Variants in NOTCH4 observed in about 807,000 individuals in gnomAD.
NOTCH4 encodes notch receptor 4, also known as neurogenic locus notch homolog protein 4.
NOTCH4 carries 138 observed loss-of-function variants against 189.0 expected under a neutral mutation model. That is an observed-to-expected ratio of 0.73 (90% CI 0.64 to 0.84). NOTCH4 has a LOEUF of 0.84. Ranked by LOEUF, NOTCH4 falls within the 40% of genes least tolerant of loss-of-function variation. NOTCH4 has a pLI of 0.00. For synonymous variants in NOTCH4, 942 were observed against 1,032.8 expected, an observed-to-expected ratio of 0.91 and a Z score of 1.69; for missense variants, 2,286 against 2,605.4, an observed-to-expected ratio of 0.88 and a Z score of 2.67.
chr6:32,195,735 G>T lies in NOTCH4; in HGVS notation c.5714C>A (p.Ala1905Glu). ...GCCGCGAGGGGTCGGGCCTCCTCCT[G>T]CTCCTACTCCCGAGAGGCTCCGGCA... ...SHCRSLSGVG[A>E]GGGPTPRGRR... Residue 1905 changes from alanine (A) to glutamate (E), a missense_variant, in exon 30 of 30, where the codon GCA becomes GAA. Physicochemically the swap from Ala to Glu is moderately radical, Grantham distance 107. Transcript: ENST00000375023. The surrounding 1 kb of genome is among the most constrained non-coding windows in gnomAD (Gnocchi z 5.4). The T allele has an allele frequency of 6.2e-7, 1 of 1,612,620 alleles. No individual in the cohort carries two copies. Among genetic ancestry groups the T allele is most frequent in the Non-Finnish European group, 8.5e-7 (1 of 1,179,902 alleles).
rs755932024 is a variant in NOTCH4, at chr6:32,199,202, T to C, written c.4316-57A>G. 8.6e-5 allele frequency: 113 copies of C among 1,321,208 alleles called. No individual in the cohort carries two copies. The highest frequency in any genetic ancestry group is 1.4e-4 in the Admixed American group (5 of 34,924). 81.8% of individuals were successfully genotyped at this position (1,321,208 alleles called of 1,614,324 possible). A position where few individuals can be genotyped will look rare whatever the true frequency, so the allele number is the denominator to read the frequency against. On this transcript the variant is annotated intron_variant, in intron 23 of 29. Coordinates refer to ENST00000375023, the MANE Select transcript of NOTCH4 (RefSeq NM_004557.4). This position sits in a 1 kb window ranked among gnomAD's most constrained non-coding sequence, Gnocchi z 4.9. ...CCACTCCTGGTGAGACTGATTACTA[T>C]TGGGAGACCTTTGGACAAGTTTAGT...
intron 14 of NOTCH4, 146 bp downstream of exon 14, chr6:32,213,542 T>G (rs1377030383): frequency 1.5e-5 from 16 of 1,041,622 alleles, no homozygotes; most frequent in Non-Finnish European, 2.1e-5. Context: ...AGCCACTGTG[T>G]GCCCAGCTAA....
Position 32,213,200 on chromosome 6 carries a change from G to A in NOTCH4, c.2373C>T (p.Cys791=). 1 of 1,614,072 alleles carries A rather than the reference G, an allele frequency of 6.2e-7. No individual in the cohort carries two copies. ...TCVNRPGTFS[C]LCAMGFQGPR... is the part of the protein sequence containing the mutation. ...GGCCCTGGAAGCCCATGGCACAGAGGCAGGAGAAGGTGCCAGGCCTGTTCA... is the reference window on the plus strand; with the variant it reads ...GGCCCTGGAAGCCCATGGCACAGAGACAGGAGAAGGTGCCAGGCCTGTTCA... Residue 791 remains cysteine, a synonymous_variant, in exon 15 of 30, where the codon TGC becomes TGT. Transcript: ENST00000375023.
chr6:32,206,778 C>G (rs1788700150), intron 18 of NOTCH4, among the ~76,000 whole-genome samples: 1 of 152,040 alleles, frequency 6.6e-6, no homozygotes, highest in Admixed American at 6.5e-5. Context: ...AGGTACCACA[C>G]TACCTAACTT....
At position 32,212,846 on chromosome 6, in the gene NOTCH4, C is replaced by A. The variant is rs9267835; in HGVS notation, c.2504G>T (p.Gly835Val). Reference protein sequence around the residue: ...PQGPRCLCPTGYTGGSCQTLM... With the variant: ...PQGPRCLCPTVYTGGSCQTLM... ...CACCTGGCAGCTGCCTCCGGTGTAG[C>A]CAGTGGGGCAGAGGCAGCGGGGACC... The change falls in exon 16 of 30, where the codon GGC (glycine) becomes GTC (valine). Residue 835 changes from glycine (G) to valine (V), a missense_variant. Physicochemically the swap from Gly to Val is moderately radical, Grantham distance 109. This residue lies in a region of NOTCH4 where 1,903 missense variants were observed against 2,261.9 expected (regional missense o/e 0.84). Coordinates refer to ENST00000375023, the MANE Select transcript of NOTCH4 (RefSeq NM_004557.4). The surrounding 1 kb of genome is among the most constrained non-coding windows in gnomAD (Gnocchi z 4.4). 0.013 allele frequency: 19,556 copies of A among 1,549,112 alleles called. 210 individuals carry two copies. Among genetic ancestry groups the A allele is most frequent in the African/African-American group, 0.033 (2,411 of 73,194 alleles).
At chr6:32,207,129 C>T (rs1788727037) in intron 18 of NOTCH4, among the ~76,000 whole-genome samples, 2 of 151,378 alleles carry the variant, frequency 1.3e-5, no homozygotes, top group Non-Finnish European at 2.9e-5. Context: ...GGGGGTTTCA[C>T]TATGTTGGTC....
At chr6:32,204,552 A>C (rs1788560205) in intron 18 of NOTCH4, among the ~76,000 whole-genome samples, 163 bp from the exon 19 acceptor site, 1 of 151,170 alleles carries the variant, frequency 6.6e-6, no homozygotes, top group African/African-American at 2.4e-5. Context: ...TTCTATCTCA[A>C]CTCCCCATGA....
Position 32,204,212 on chromosome 6 carries a change from A to G in NOTCH4, c.3043T>C (p.Cys1015Arg). 2 of 1,612,996 alleles carry G rather than the reference A, an allele frequency of 1.2e-6. No individual in the cohort carries two copies. Among genetic ancestry groups the G allele is most frequent in the Non-Finnish European group, 1.7e-6 (2 of 1,179,996 alleles). The change falls in exon 19 of 30, where the codon TGC becomes CGC. Residue 1015 changes from cysteine (C) to arginine (R), a missense_variant. Cys to Arg is a radical substitution (Grantham distance 180). Around this residue, in one of 2 missense-constraint regions of NOTCH4, gnomAD observed 1,903 missense variants for 2,261.9 expected, o/e 0.84. Coordinates refer to ENST00000375023, the MANE Select transcript of NOTCH4 (RefSeq NM_004557.4). ...GDVDECLDQP[C>R]HPTGTAACHS... ...CAGGCTGCAGTGCCTGTGGGGTGGC[A>G]GGGCTGGTCCAGACACTCGTCCACG... is the stretch of plus-strand genomic sequence containing the variant.
At chr6:32,216,641 G>A in intron 11 of NOTCH4, 1 of 512,444 alleles carries the variant, frequency 2.0e-6, no homozygotes, top group Non-Finnish European at 3.5e-6. Context: ...TCCGTATCTG[G>A]CATAGTAGGC....
At chr6:32,222,414 G>A (rs774273761) in intron 3 of NOTCH4, 97 bp downstream of exon 3, 31 of 1,113,450 alleles carry the variant, frequency 2.8e-5, no homozygotes, top group Non-Finnish European at 3.6e-5. Context: ...TCTTCAAAGG[G>A]CTTGCAGTTT....
rs150079294 is a variant in NOTCH4, at chr6:32,212,907, A to C, written c.2443T>G (p.Cys815Gly). ...KLRPSCADSP[C>G]RNRATCQDSP... The stretch of plus-strand genomic sequence containing the variant: ...TCCTGGCAGGTTGCCCTATTCCTAC[A>C]GGGGCTGAACAAGACAGAGACAGGG... Residue 815 changes from cysteine (C) to glycine (G), a missense_variant, in exon 16 of 30, where the codon TGT becomes GGT. Coordinates refer to ENST00000375023, the MANE Select transcript of NOTCH4 (RefSeq NM_004557.4). This position sits in a 1 kb window ranked among gnomAD's most constrained non-coding sequence, Gnocchi z 4.4. The C allele has an allele frequency of 4.4e-3, 6,822 of 1,563,840 alleles. 33 individuals carry two copies. Among genetic ancestry groups the C allele is most frequent in the Admixed American group, 9.9e-3 (509 of 51,664 alleles).
In NOTCH4 at chr6:32,221,034, G is replaced by A; in HGVS notation, c.743C>T (p.Thr248Ile). ...CPPRGCSNGG[T>I]CQLMPEKDST... ...GTCTTTCTCTGGCATCAGCTGGCAG[G>A]TGCCCCCATTCGAACAGCCCCTAGG... The change falls in exon 4 of 30, where the codon ACC (threonine) becomes ATC (isoleucine). Residue 248 changes from threonine to isoleucine, a missense_variant. Transcript: ENST00000375023. This position sits in a 1 kb window ranked among gnomAD's most constrained non-coding sequence, Gnocchi z 4.3. 1 of 1,610,248 alleles carries A rather than the reference G, an allele frequency of 6.2e-7. No individual in the cohort carries two copies. The highest frequency in any genetic ancestry group is 8.5e-7 in the Non-Finnish European group (1 of 1,177,508).
chr6:32,196,084 G>C lies in NOTCH4; in HGVS notation c.5365C>G (p.Leu1789Val). The C allele has an allele frequency of 1.9e-6, 3 of 1,592,952 alleles. No individual in the cohort carries two copies. The highest frequency in any genetic ancestry group is 2.5e-6 in the Non-Finnish European group (3 of 1,176,806). The stretch of plus-strand genomic sequence containing the variant: ...TCCCGCAGCTCTCGGGCTGCCCCCA[G>C]CCCCAGCAGTAGCTGGGCTACTTCC... ...AVEVAQLLLG[L>V]GAARELRDQA... The change falls in exon 30 of 30, where the codon CTG (leucine) becomes GTG (valine). Residue 1789 changes from leucine (L) to valine (V), a missense_variant. By Grantham distance (32) the Leu-to-Val change is conservative (BLOSUM62 1). Transcript: ENST00000375023.
In NOTCH4 at chr6:32,212,026, C is replaced by G. The variant is rs975336026; in HGVS notation, c.2680+448G>C. ...CTATCCCTTAACTCCATCATAATCT[C>G]TTTCCCGAGCTCTTCTCATATCAAA... On this transcript the variant is annotated intron_variant, in intron 17 of 29. Coordinates refer to ENST00000375023, the MANE Select transcript of NOTCH4 (RefSeq NM_004557.4). The surrounding 1 kb of genome is among the most constrained non-coding windows in gnomAD (Gnocchi z 4.4). Among the ~76,000 whole-genome samples the G allele has an allele frequency of 6.6e-6, 1 of 152,198 alleles. No individual in the cohort carries two copies. The highest frequency in any genetic ancestry group is 1.5e-5 in the Non-Finnish European group (1 of 68,042).
At position 32,200,123 on chromosome 6, in the gene NOTCH4, C is replaced by T. The variant is rs1286449889; in HGVS notation, c.4315+708G>A. ...GATAAGGGATACTCAACCAGCAGTA[C>T]GTGCCTCATGGGGTTGTGGGGGAGG... On this transcript the variant is annotated intron_variant, in intron 23 of 29. Transcript: ENST00000375023. The surrounding 1 kb of genome is among the most constrained non-coding windows in gnomAD (Gnocchi z 5.0). Among the ~76,000 whole-genome samples the T allele has an allele frequency of 6.6e-6, 1 of 152,086 alleles. No homozygotes were observed. The highest frequency in any genetic ancestry group is 1.5e-5 in the Non-Finnish European group (1 of 68,026).
intron 18 of NOTCH4, among the ~76,000 whole-genome samples, chr6:32,207,864 G>A (rs538470688): frequency 1.7e-4 from 26 of 151,598 alleles, no homozygotes; most frequent in Non-Finnish European, 1.2e-4. Context: ...ATAGCTGGGC[G>A]TGGTGGTGGG....
chr6:32,219,836 C>G (rs1386273747), intron 7 of NOTCH4, 50 bp from the exon 8 acceptor site: 2 of 1,478,938 alleles, frequency 1.4e-6, no homozygotes, highest in Non-Finnish European at 1.9e-6. Context: ...GCAGGAAGGG[C>G]AAGGAGGTGA....
At position 32,200,731 on chromosome 6, in the gene NOTCH4, A is replaced by G. The variant is rs1362331436; in HGVS notation, c.4315+100T>C. The G allele has an allele frequency of 1.4e-5, 14 of 990,110 alleles. No homozygotes were observed. Among genetic ancestry groups the G allele is most frequent in the Non-Finnish European group, 1.9e-5 (13 of 695,038 alleles). 61.3% of individuals were successfully genotyped at this position (990,110 alleles called of 1,614,324 possible). On this transcript the variant is annotated intron_variant, in intron 23 of 29. Coordinates refer to ENST00000375023, the MANE Select transcript of NOTCH4 (RefSeq NM_004557.4). The surrounding 1 kb of genome is among the most constrained non-coding windows in gnomAD (Gnocchi z 5.0). The stretch of plus-strand genomic sequence containing the variant: ...GTAAGTCCCCACAAAGAACATTTTC[A>G]GTCTCAGCTGTCCTGTTTGATTCAG...
rs1218809788 is a variant in NOTCH4 at position 32,202,603 on chromosome 6, T to TGGAGG, written c.3232-9_3232-5dup. 1 of 1,574,134 alleles carries TGGAGG rather than the reference T, an allele frequency of 6.4e-7. No homozygotes were observed. On this transcript the variant is annotated splice_polypyrimidine_tract_variant and splice_region_variant and intron_variant, in intron 20 of 29. Coordinates refer to ENST00000375023, the MANE Select transcript of NOTCH4 (RefSeq NM_004557.4). This position sits in a 1 kb window ranked among gnomAD's most constrained non-coding sequence, Gnocchi z 5.7. ...TGCAGGTGGGGCCTTCAAAACCCTG[T>TGGAGG]GGAGGGGAGGGGAGATATTGGAGAT...
Sources: allele counts gnomAD v4.1 joint callset (sites outside exome capture counted in the v4.1 genomes callset), GRCh38; gene constraint gnomAD v4.1.1; regional missense constraint gnomAD v4.1.1; non-coding constraint Gnocchi (gnomAD v3.1); transcripts MANE v1.5; gene names NCBI Gene and HGNC (gene_info 2026-07-23, HGNC 2026-07-21).